The following CSMD2 variants were observed in gnomAD, a reference collection of about 807,000 sequenced individuals.
The protein encoded by CSMD2 is CUB and sushi domain-containing protein 2.
Under a neutral mutation model 398.5 loss-of-function variants are expected in CSMD2, and 130 were observed. The ratio of observed to expected loss-of-function variants is 0.33; its 90% CI spans 0.28 to 0.38. CSMD2 has a LOEUF of 0.38. Ranked by LOEUF, CSMD2 falls within the 10% of genes least tolerant of loss-of-function variation. The pLI is 1.00. For synonymous variants in CSMD2, 1,828 were observed against 1,908.5 expected (o/e 0.96, Z 1.10); for missense variants, 3,829 against 4,764.9 (o/e 0.80, Z 5.78).
chr1:34,141,837 G>A (rs1639323859), intron 1 of CSMD2, among the ~76,000 whole-genome samples: 1 of 152,192 alleles, frequency 6.6e-6, no homozygotes, highest in South Asian at 2.1e-4. Context: ...CCAGGCAAAA[G>A]AAGAAGATGG....
intron 3 of CSMD2, among the ~76,000 whole-genome samples, chr1:33,958,784 G>A (rs2125389694): frequency 6.6e-6 from 1 of 152,188 alleles, no homozygotes; most frequent in East Asian, 1.9e-4. Flanking sequence ...CCTTAGTAGA[G>A]AACTTAGTTC....
chr1:33,667,656 A>C (rs1284974473), intron 25 of CSMD2, among the ~76,000 whole-genome samples: 2 of 152,218 alleles, frequency 1.3e-5, no homozygotes, highest in African/African-American at 4.8e-5. Context: ...ATATGAATTA[A>C]AAATGCCAGT....
chr1:33,795,679 C>G (rs904859427), intron 10 of CSMD2, among the ~76,000 whole-genome samples: 1 of 152,242 alleles, frequency 6.6e-6, no homozygotes, highest in Non-Finnish European at 1.5e-5. Flanking sequence ...CAGCCCCTTC[C>G]TCTCGTCTGT....
At chr1:33,583,518 G>T in intron 47 of CSMD2, 124 bp downstream of exon 47, 1 of 951,640 alleles carries the variant, frequency 1.1e-6, no homozygotes. Flanking sequence ...GCTGTGGTAG[G>T]GAAGGACATC....
intron 1 of CSMD2, among the ~76,000 whole-genome samples, chr1:34,121,168 A>C (rs1662146349): frequency 6.6e-6 from 1 of 152,204 alleles, no homozygotes; most frequent in Non-Finnish European, 1.5e-5. Flanking sequence ...AGGAGAGCCA[A>C]AGGGCAGCTG....
At chr1:33,605,834 C>T (rs1874044) in intron 41 of CSMD2, 904,149 of 1,582,842 alleles carry the variant, frequency 0.57, 260,919 homozygotes, top group Admixed American at 0.66. Context: ...ACCAGCCTAA[C>T]TCCTTTCATG....
chr1:33,804,227 C>A (rs1049355269), intron 10 of CSMD2, among the ~76,000 whole-genome samples: 17 of 152,346 alleles, frequency 1.1e-4, no homozygotes, highest in African/African-American at 4.1e-4. Flanking sequence ...ACACTGCTAG[C>A]CTTAGCAATC....
chr1:34,143,662 CA>C (rs1639508459), intron 1 of CSMD2, among the ~76,000 whole-genome samples: 1 of 152,122 alleles, frequency 6.6e-6, no homozygotes, highest in Non-Finnish European at 1.5e-5. Flanking sequence ...TAGCTCAACA[CA>C]ACTTGGTTAA....
intron 25 of CSMD2, among the ~76,000 whole-genome samples, chr1:33,671,457 G>C (rs58041624): frequency 0.02 from 2,969 of 152,058 alleles, 94 homozygotes; most frequent in African/African-American, 0.066. Context: ...TGCTCTGCGG[G>C]GGCTGGATCT....
Position 33,525,150 on chromosome 1 carries a change from C to G in CSMD2, c.10235-107G>C, listed in dbSNP as rs911196363. On this transcript the variant is annotated intron_variant, in intron 65 of 70. Coordinates refer to ENST00000373381, the MANE Select transcript of CSMD2 (RefSeq NM_001281956.2). ...CACTCACTGGGATTGTTTCCTTTCC[C>G]CAATGTCTACCATGTGAGGAAGGTG... 1.3e-5 allele frequency: 15 copies of G among 1,157,842 alleles called. No homozygotes were observed. In the African/African-American group the frequency reaches 2.0e-4, roughly 15 times the overall value. 71.7% of individuals were successfully genotyped at this position (1,157,842 alleles called of 1,614,324 possible). A position where few individuals can be genotyped will look rare whatever the true frequency, so the allele number is the denominator to read the frequency against.
At chr1:34,027,683 A>T (rs529391362) in intron 3 of CSMD2, among the ~76,000 whole-genome samples, 3 of 152,352 alleles carry the variant, frequency 2.0e-5, no homozygotes, top group African/African-American at 4.8e-5. Flanking sequence ...GGCTACTTTT[A>T]TTAACACAGA....
chr1:33,832,600 C>T (rs1415002478), intron 6 of CSMD2, among the ~76,000 whole-genome samples: 1 of 148,324 alleles, frequency 6.7e-6, no homozygotes, highest in Non-Finnish European at 1.5e-5. Flanking sequence ...ACTAGAGAAG[C>T]AAGAGCAAAC....
At chr1:34,075,434 T>G (rs1036529024) in intron 2 of CSMD2, among the ~76,000 whole-genome samples, 5 of 152,238 alleles carry the variant, frequency 3.3e-5, no homozygotes, top group Non-Finnish European at 5.9e-5. Context: ...CTGGCAAATT[T>G]GTGGATTTTT....
chr1:33,867,481 T>C (rs1475145281), intron 5 of CSMD2, among the ~76,000 whole-genome samples: 1 of 152,230 alleles, frequency 6.6e-6, no homozygotes, highest in Non-Finnish European at 1.5e-5. Context: ...TAAATGTAAG[T>C]TTAAAACTAT....
At chr1:34,126,105 C>T (rs980905511) in intron 1 of CSMD2, among the ~76,000 whole-genome samples, 1 of 152,230 alleles carries the variant, frequency 6.6e-6, no homozygotes, top group Non-Finnish European at 1.5e-5. Context: ...CAGTTGCCCA[C>T]AGCAGTAGCT....
intron 20 of CSMD2, among the ~76,000 whole-genome samples, chr1:33,715,440 A>C (rs1163435618): frequency 2.6e-5 from 4 of 152,014 alleles, no homozygotes; most frequent in Non-Finnish European, 5.9e-5. Context: ...CCTCGTCTGC[A>C]AGGGCTTCTC....
At chr1:33,983,062 G>C (rs1237356410) in intron 3 of CSMD2, among the ~76,000 whole-genome samples, 2 of 152,154 alleles carry the variant, frequency 1.3e-5, no homozygotes, top group Non-Finnish European at 2.9e-5. Context: ...CAGATGGGCT[G>C]TTACAGGAAG....
chr1:33,558,726 G>A (rs1230239075), intron 54 of CSMD2, among the ~76,000 whole-genome samples: 3 of 152,176 alleles, frequency 2.0e-5, no homozygotes, highest in Non-Finnish European at 1.5e-5. Context: ...AGGACATTCT[G>A]TATTCTCTCT....
intron 1 of CSMD2, among the ~76,000 whole-genome samples, chr1:34,159,893 A>G (rs959869229): frequency 6.6e-6 from 1 of 152,238 alleles, no homozygotes; most frequent in Non-Finnish European, 1.5e-5. Context: ...TCGATGAGGT[A>G]TGGCACTGGA....
Sources: allele counts gnomAD v4.1 joint callset (sites outside exome capture counted in the v4.1 genomes callset), GRCh38; gene constraint gnomAD v4.1.1; transcripts MANE v1.5; gene names NCBI Gene and HGNC (gene_info 2026-07-23, HGNC 2026-07-21).